The following MGA variants were observed in gnomAD, a reference collection of about 807,000 sequenced individuals.
MGA encodes the protein MAX gene-associated protein.
MGA carries 40 observed loss-of-function variants against 261.1 expected under a neutral mutation model. The ratio of observed to expected loss-of-function variants is 0.15; its 90% CI spans 0.12 to 0.20. The LOEUF (loss-of-function observed/expected upper bound fraction) is 0.20. Among genes scored for constraint, MGA ranks in the 10% least tolerant of loss-of-function variants. The probability of loss-of-function intolerance (pLI) is 1.00; values close to 1 mark genes in which losing one functional copy is unlikely to be tolerated. For synonymous variants in MGA, 1,302 were observed against 1,290.6 expected, an observed-to-expected ratio of 1.01 and a Z score of -0.19; for missense variants, 3,397 against 3,630.5, an observed-to-expected ratio of 0.94 and a Z score of 1.65.
At chr15:41,712,509 C>T (rs140224901) in intron 8 of MGA, among the ~76,000 whole-genome samples, 1 of 152,280 alleles carries the variant, frequency 6.6e-6, no homozygotes, top group East Asian at 1.9e-4. Context: ...TGAGCCACTG[C>T]GCCTGGCCTT....
At chr15:41,678,763 T>C (rs890434128) in intron 2 of MGA, among the ~76,000 whole-genome samples, 27 of 58,108 alleles carry the variant, frequency 4.6e-4, no homozygotes, top group Admixed American at 6.8e-4. Flanking sequence ...CAAGACTCCA[T>C]CTCAAAAAAA....
Position 41,696,746 on chromosome 15 carries a change from G to A in MGA, c.1736G>A (p.Gly579Glu). 2 of 1,611,394 alleles carry A rather than the reference G, an allele frequency of 1.2e-6. No homozygotes were observed. The highest frequency in any genetic ancestry group is 1.1e-5 in the South Asian group (1 of 90,546). Residue 579 changes from glycine to glutamate, a missense_variant, in exon 3 of 24, where the codon GGA (glycine) becomes GAA (glutamate). Around this residue, in one of 9 missense-constraint regions of MGA, gnomAD observed 563 missense variants for 563.6 expected, o/e 1.00. Coordinates refer to ENST00000219905, the MANE Select transcript of MGA (RefSeq NM_001164273.2). ...GATTCAGTTGGAGACTCACTTTCAGGAAAAGAGGACTTGGGCAGAAAGAGA... is the reference window on the plus strand; with the variant it reads ...GATTCAGTTGGAGACTCACTTTCAGAAAAAGAGGACTTGGGCAGAAAGAGA...
chr15:41,713,359 A>G lies in MGA; in HGVS notation c.3293A>G (p.His1098Arg), dbSNP rs774416143. Residue 1098 changes from histidine to arginine, a missense_variant, in exon 9 of 24, where the codon CAT becomes CGT. By Grantham distance (29) the His-to-Arg change is conservative. Coordinates refer to ENST00000219905, the MANE Select transcript of MGA (RefSeq NM_001164273.2). ...GTTAAAGGAGGATCCAAAACTAAGC[A>G]TTTTCAGAGGAAGGCTGCTCATCGA... 6.2e-7 allele frequency: 1 copy of G among 1,613,608 alleles called. No individual in the cohort carries two copies. The highest frequency in any genetic ancestry group is 1.3e-5 in the African/African-American group (1 of 74,874).
intron 2 of MGA, among the ~76,000 whole-genome samples, chr15:41,674,276 A>C (rs967128559): frequency 3.3e-5 from 5 of 151,924 alleles, no homozygotes; most frequent in African/African-American, 9.7e-5. Flanking sequence ...GGCTCACTGC[A>C]CTTCTGCCTC....
rs754995618 is a variant in MGA at position 41,727,236 on chromosome 15, G to T, written c.3487G>T (p.Val1163Leu). Residue 1163 changes from valine to leucine, a missense_variant, in exon 10 of 24, where the codon GTA becomes TTA. Around this residue, in one of 9 missense-constraint regions of MGA, gnomAD observed 519 missense variants for 554.1 expected, o/e 0.94. Transcript: ENST00000219905. Reference sequence around the variant, plus strand: ...TCGACATTACCCATTATGGGTAAAAGTAGAAGGTGAAGTAGATCCAGAACC... The same window carrying T: ...TCGACATTACCCATTATGGGTAAAATTAGAAGGTGAAGTAGATCCAGAACC... 6.2e-7 allele frequency: 1 copy of T among 1,613,834 alleles called. No individual in the cohort carries two copies. The highest frequency in any genetic ancestry group is 8.5e-7 in the Non-Finnish European group (1 of 1,179,888).
chr15:41,659,466 C>G (rs2057285742), upstream of MGA, among the ~76,000 whole-genome samples: 1 of 152,186 alleles, frequency 6.6e-6, no homozygotes, highest in African/African-American at 2.4e-5. Flanking sequence ...CTCTCCTACT[C>G]CCTACTTCTT....
intron 1 of MGA, among the ~76,000 whole-genome samples, chr15:41,623,595 T>C (rs2056364318): frequency 6.6e-6 from 1 of 151,714 alleles, no homozygotes; most frequent in Admixed American, 6.6e-5. Flanking sequence ...AAATACAAAA[T>C]TAGCCGGGTG....
Position 41,767,192 on chromosome 15 carries a change from G to C in MGA, c.9110G>C (p.Gly3037Ala). ...AACTTAACAGGGAATGACCAGGAAGGCCGGGAAAGCAAGGTGATGCCTACA... is the reference window on the plus strand; with the variant it reads ...AACTTAACAGGGAATGACCAGGAAGCCCGGGAAAGCAAGGTGATGCCTACA... Residue 3037 changes from glycine (G) to alanine (A), a missense_variant, in exon 24 of 24, where the codon GGC (glycine) becomes GCC (alanine). Physicochemically the swap from Gly to Ala is moderately conservative, Grantham distance 60. This residue lies in a region of MGA where 647 missense variants were observed against 642.4 expected (regional missense o/e 1.01). Transcript: ENST00000219905. 1.2e-6 allele frequency: 2 copies of C among 1,614,036 alleles called. No individual in the cohort carries two copies. Among genetic ancestry groups the C allele is most frequent in the Non-Finnish European group, 1.7e-6 (2 of 1,179,894 alleles).
At chr15:41,628,891 G>A (rs908091090) in intron 1 of MGA, among the ~76,000 whole-genome samples, 1 of 152,160 alleles carries the variant, frequency 6.6e-6, no homozygotes, top group African/African-American at 2.4e-5. Context: ...TGTAATTCCA[G>A]CACTTTGGGT....
In MGA at chr15:41,754,700, G is replaced by C. The variant is rs2063044560; in HGVS notation, c.7139+133G>C. The C allele has an allele frequency of 4.0e-6, 4 of 1,007,998 alleles. No individual in the cohort carries two copies. The South Asian group carries it at 1.1e-4, about 27-fold the overall frequency. The allele number at this position is 1,007,998 out of a possible 1,614,324, so 62.4% of individuals were successfully genotyped here. A position where few individuals can be genotyped will look rare whatever the true frequency, so the allele number is the denominator to read the frequency against. On this transcript the variant is annotated intron_variant, in intron 18 of 23. Transcript: ENST00000219905. The stretch of plus-strand genomic sequence containing the variant: ...TCTAGCTTTTTTTCTGATTAGTATA[G>C]ATGAGGAGAGGAACTAGAATTTGGG...
At chr15:41,681,328 T>A (rs1330455551) in intron 2 of MGA, among the ~76,000 whole-genome samples, 1 of 152,128 alleles carries the variant, frequency 6.6e-6, no homozygotes, top group Admixed American at 6.5e-5. Flanking sequence ...GTAATCCATT[T>A]AAAATTATTT....
chr15:41,710,862 G>A lies in MGA; in HGVS notation c.2597G>A (p.Arg866Gln), dbSNP rs756706031. The change falls in exon 8 of 24, where the codon CGA becomes CAA. Residue 866 changes from arginine to glutamine, a missense_variant. Arg to Gln is a conservative substitution (Grantham distance 43). Around this residue, in one of 9 missense-constraint regions of MGA, gnomAD observed 519 missense variants for 554.1 expected, o/e 0.94. Transcript: ENST00000219905. ...CCCACTAAGAGTACCAGTTATGTAC[G>A]AACACTTGATAGTGTACTAAAGAAG... The A allele has an allele frequency of 7.4e-6, 12 of 1,613,768 alleles. No homozygotes were observed. Among genetic ancestry groups the A allele is most frequent in the East Asian group, 4.5e-5 (2 of 44,896 alleles).
chr15:41,665,007 T>C (rs1389590548), intron 1 of MGA, among the ~76,000 whole-genome samples: 1 of 152,218 alleles, frequency 6.6e-6, no homozygotes, highest in Non-Finnish European at 1.5e-5. Flanking sequence ...ATTAGTGCTT[T>C]AGTGTTGGGA....
intron 1 of MGA, among the ~76,000 whole-genome samples, chr15:41,645,729 C>G (rs1354868287): frequency 1.3e-5 from 2 of 152,174 alleles, no homozygotes; most frequent in Admixed American, 6.5e-5. Context: ...GCACCAAGTT[C>G]TGGTGCAAGT....
upstream of MGA, among the ~76,000 whole-genome samples, chr15:41,656,342 T>TCC (rs1226687966): frequency 8.7e-5 from 6 of 69,284 alleles, no homozygotes; most frequent in East Asian, 1.2e-3. Context: ...CCCTCTCCTC[T>TCC]CTTCTCTCTC....
In MGA at chr15:41,749,463, A is replaced by G. The variant is rs1010711816; in HGVS notation, c.5856A>G (p.Gln1952=). The G allele has an allele frequency of 6.2e-7, 1 of 1,613,886 alleles. No homozygotes were observed. Among genetic ancestry groups the G allele is most frequent in the African/African-American group, 1.3e-5 (1 of 74,942 alleles). Residue 1952 remains glutamine, a synonymous_variant, in exon 17 of 24, where the codon CAA becomes CAG. Transcript: ENST00000219905. ...TTGCCTTGTTACAGCTCCCAGGACA[A>G]AAGCCTGTTCCTAGCTCCATTCTTC... is the stretch of plus-strand genomic sequence containing the variant.
rs78456118 is a variant in MGA, at chr15:41,713,619, A to G, written c.3430+123A>G. 3.1e-5 allele frequency: 37 copies of G among 1,189,342 alleles called. No individual in the cohort carries two copies. The African/African-American group carries it at 4.8e-4, about 15-fold the overall frequency. The allele number at this position is 1,189,342 out of a possible 1,614,324, so 73.7% of individuals were successfully genotyped here. On this transcript the variant is annotated intron_variant, in intron 9 of 23. Coordinates refer to ENST00000219905, the MANE Select transcript of MGA (RefSeq NM_001164273.2). Reference sequence around the variant, plus strand: ...TCCAATAAGAGCTTTGAGACTTCTTATTATCCTTACATGCTCTTTCTGACT... The same window carrying G: ...TCCAATAAGAGCTTTGAGACTTCTTGTTATCCTTACATGCTCTTTCTGACT...
chr15:41,668,434 A>G (rs906014929), intron 1 of MGA, among the ~76,000 whole-genome samples: 14 of 152,328 alleles, frequency 9.2e-5, no homozygotes, highest in African/African-American at 3.4e-4. Context: ...AACTTGCTAT[A>G]TAAAGGAATC....
At position 41,640,592 on chromosome 15, in the gene MGA, T is replaced by C. The variant is rs1321508185; in HGVS notation, c.-68+19294T>C. On this transcript the variant is annotated intron_variant, in intron 1 of 8. Transcript: ENST00000566718. ...TGGAATACAATGGTGCGATCTCGGC[T>C]CTCTGCAATGTCTGCCTCCCGGTTC... 1.3e-5 allele frequency among the ~76,000 whole-genome samples: 2 copies of C among 152,124 alleles called. 1 individual carries two copies. The highest frequency in any genetic ancestry group is 1.3e-4 in the Admixed American group (2 of 15,250).
Sources: gnomAD v4.1 joint callset for allele counts (sites outside exome capture counted in the v4.1 genomes callset) on GRCh38, gnomAD v4.1.1 for gene constraint, gnomAD v4.1.1 regional missense constraint, MANE v1.5 for transcripts, NCBI Gene and HGNC (gene_info 2026-07-23, HGNC 2026-07-21) for gene names.